Variants in EYS observed in about 807,000 individuals in gnomAD.
EYS encodes the protein EGF-like photoreceptor maintenance factor.
Under a neutral mutation model 282.1 loss-of-function variants are expected in EYS, and 250 were observed. That is an observed-to-expected ratio of 0.89 (90% CI 0.80 to 0.98). The LOEUF (loss-of-function observed/expected upper bound fraction) is 0.98. Among genes scored for constraint, EYS ranks in the 50% least tolerant of loss-of-function variants. The pLI is 0.00. For synonymous variants in EYS, 1,355 were observed against 1,282.9 expected (o/e 1.06, Z -1.20); for missense variants, 4,016 against 3,709.0 (o/e 1.08, Z -2.15).
intron 31 of EYS, among the ~76,000 whole-genome samples, chr6:64,219,932 CA>C: frequency 6.6e-6 from 1 of 151,708 alleles, no homozygotes; most frequent in Non-Finnish European, 1.5e-5. Context: ...ACTGCAAGCA[CA>C]AAAAAACAAA....
At chr6:63,978,427 G>A (rs1180917735) in intron 35 of EYS, among the ~76,000 whole-genome samples, 3 of 151,978 alleles carry the variant, frequency 2.0e-5, no homozygotes, top group Non-Finnish European at 4.4e-5. Context: ...TTTCAAGGAT[G>A]TAGACTACAG....
At chr6:65,271,836 A>T (rs749118937) in intron 12 of EYS, among the ~76,000 whole-genome samples, 6 of 152,120 alleles carry the variant, frequency 3.9e-5, no homozygotes, top group Non-Finnish European at 8.8e-5. Flanking sequence ...CACCTGCCTC[A>T]GCCTCCCAAA....
chr6:63,778,355 T>C (rs1770120765), intron 39 of EYS, 175 bp from the exon 40 acceptor site: 1 of 626,102 alleles, frequency 1.6e-6, no homozygotes, highest in East Asian at 2.9e-5. Context: ...TTAAAAGTCA[T>C]TCATGATATC....
intron 12 of EYS, among the ~76,000 whole-genome samples, chr6:65,127,157 C>T (rs562508134): frequency 2.2e-3 from 334 of 152,062 alleles, no homozygotes; most frequent in Middle Eastern, 3.4e-3. Flanking sequence ...TGTGATAATT[C>T]CAATCAACAC....
intron 12 of EYS, among the ~76,000 whole-genome samples, chr6:65,241,018 G>A (rs1582054269): frequency 6.6e-6 from 1 of 151,906 alleles, no homozygotes; most frequent in Non-Finnish European, 1.5e-5. Context: ...ATAAATAAAT[G>A]CATAAATATT....
intron 33 of EYS, among the ~76,000 whole-genome samples, chr6:64,023,455 G>A (rs142235410): frequency 1.5e-3 from 233 of 152,278 alleles, no homozygotes; most frequent in African/African-American, 3.7e-3. Context: ...ACCATTTTAC[G>A]CTGTACATGG....
At chr6:65,558,113 G>A (rs1250181427) in intron 2 of EYS, among the ~76,000 whole-genome samples, 3 of 152,108 alleles carry the variant, frequency 2.0e-5, no homozygotes, top group Non-Finnish European at 4.4e-5. Context: ...GGTTTCACTG[G>A]GGACCTTCTT....
At chr6:63,729,291 G>A (rs1039316732) in intron 41 of EYS, among the ~76,000 whole-genome samples, 1 of 151,992 alleles carries the variant, frequency 6.6e-6, no homozygotes, top group African/African-American at 2.4e-5. Context: ...TCTCTTTCAT[G>A]TGTCTTTGAC....
At chr6:64,375,494 G>A (rs1249301104) in intron 29 of EYS, among the ~76,000 whole-genome samples, 1 of 152,224 alleles carries the variant, frequency 6.6e-6, no homozygotes, top group Non-Finnish European at 1.5e-5. Context: ...ATGTTTGCAT[G>A]TTGGACAGAG....
At chr6:63,968,927 T>C (rs1163319669) in intron 35 of EYS, among the ~76,000 whole-genome samples, 5 of 152,194 alleles carry the variant, frequency 3.3e-5, no homozygotes, top group Non-Finnish European at 7.3e-5. Context: ...TAGATCTATA[T>C]TACACAAAGC....
intron 26 of EYS, among the ~76,000 whole-genome samples, chr6:64,506,679 G>A (rs995121854): frequency 3.3e-5 from 5 of 152,040 alleles, no homozygotes; most frequent in African/African-American, 7.2e-5. Context: ...TTGGGAGGCC[G>A]AGGCAGGCGT....
At chr6:65,172,922 G>A (rs1219981641) in intron 12 of EYS, among the ~76,000 whole-genome samples, 5 of 150,880 alleles carry the variant, frequency 3.3e-5, no homozygotes, top group Admixed American at 6.6e-5. Flanking sequence ...GTGTGGTCAA[G>A]GGATCAAATT....
chr6:64,923,943 C>T (rs559281133), intron 15 of EYS, among the ~76,000 whole-genome samples: 57 of 152,286 alleles, frequency 3.7e-4, no homozygotes, highest in African/African-American at 1.4e-3. Flanking sequence ...TGCAAGCTGT[C>T]AGAGGATCTA....
At chr6:64,405,230 T>C (rs79649990) in intron 28 of EYS, among the ~76,000 whole-genome samples, 4,484 of 152,230 alleles carry the variant, frequency 0.029, 97 homozygotes, top group Middle Eastern at 0.044. Flanking sequence ...TATATCTTAA[T>C]TAACCCATCC....
chr6:64,002,882 T>C (rs547403953), intron 33 of EYS, among the ~76,000 whole-genome samples: 3 of 152,326 alleles, frequency 2.0e-5, no homozygotes, highest in African/African-American at 7.2e-5. Flanking sequence ...TTGTATTTTC[T>C]AAATTTTGGA....
At chr6:65,483,775 A>AGTTC (rs1765686610) in intron 5 of EYS, among the ~76,000 whole-genome samples, 1 of 152,166 alleles carries the variant, frequency 6.6e-6, no homozygotes, top group Non-Finnish European at 1.5e-5. Flanking sequence ...ACGGACCTAC[A>AGTTC]GTTCCACGTG....
chr6:64,607,971 C>A (rs943212847), intron 24 of EYS, among the ~76,000 whole-genome samples: 1 of 152,138 alleles, frequency 6.6e-6, no homozygotes, highest in Non-Finnish European at 1.5e-5. Context: ...GTATCCAAGA[C>A]ATTTAGCCTG....
At chr6:65,409,309 G>T (rs1256679372) in intron 5 of EYS, among the ~76,000 whole-genome samples, 1 of 152,110 alleles carries the variant, frequency 6.6e-6, no homozygotes, top group Non-Finnish European at 1.5e-5. Flanking sequence ...GCCCAAGCCT[G>T]GGGTACCCAC....
chr6:65,128,065 T>C (rs1460848618), intron 12 of EYS, among the ~76,000 whole-genome samples: 1 of 152,054 alleles, frequency 6.6e-6, no homozygotes, highest in African/African-American at 2.4e-5. Context: ...GGTCTTCCAG[T>C]AAGAACTTCC....
Sources: allele counts gnomAD v4.1 joint callset (sites outside exome capture counted in the v4.1 genomes callset), GRCh38; gene constraint gnomAD v4.1.1; transcripts MANE v1.5; gene names NCBI Gene and HGNC (gene_info 2026-07-23, HGNC 2026-07-21).